RNF214: variants seen among roughly 807,000 people sequenced by gnomAD.
RNF214 encodes ring finger protein 214.
In RNF214, 25 loss-of-function variants were observed where a neutral mutation model predicts 75.9. The observed-to-expected ratio is 0.33, with a 90% CI of 0.24 to 0.46. The LOEUF is 0.46. Among genes scored for constraint, RNF214 ranks in the 20% least tolerant of loss-of-function variants. The probability of loss-of-function intolerance (pLI) is 1.00; values close to 1 mark genes in which losing one functional copy is unlikely to be tolerated. For missense variants in RNF214, 725 were observed against 857.5 expected (o/e 0.85, Z 1.93); for synonymous variants, 314 against 308.8 (o/e 1.02, Z -0.18).
intron 6 of RNF214, among the ~76,000 whole-genome samples, chr11:117,263,108 C>CT (rs1172182983): frequency 6.1e-4 from 89 of 145,504 alleles, no homozygotes; most frequent in Middle Eastern, 3.5e-3. Flanking sequence ...CGCCCAGCCA[C>CT]TTTTTTTTTT....
At chr11:117,261,586 A>C (rs1001806657) in intron 6 of RNF214, among the ~76,000 whole-genome samples, 1 of 152,074 alleles carries the variant, frequency 6.6e-6, no homozygotes, top group Non-Finnish European at 1.5e-5. Flanking sequence ...TCTCAAAAAA[A>C]TTATCAAATG....
intron 6 of RNF214, among the ~76,000 whole-genome samples, chr11:117,271,890 G>A (rs2033918550): frequency 6.6e-6 from 1 of 152,160 alleles, no homozygotes; most frequent in East Asian, 1.9e-4. Context: ...ATAGCTCACT[G>A]TAGCCTCTAC....
intron 6 of RNF214, among the ~76,000 whole-genome samples, chr11:117,269,889 A>G (rs761515225): frequency 3.3e-5 from 5 of 152,228 alleles, no homozygotes; most frequent in Non-Finnish European, 5.9e-5. Flanking sequence ...TCAAAAATCA[A>G]CTTACCCAAT....
At chr11:117,271,009 C>T (rs2033900529) in intron 6 of RNF214, among the ~76,000 whole-genome samples, 1 of 152,092 alleles carries the variant, frequency 6.6e-6, no homozygotes, top group Non-Finnish European at 1.5e-5. Context: ...AAGTGATTCT[C>T]CTGTCTCAGC....
chr11:117,277,756 G>A (rs2034042490), intron 6 of RNF214, among the ~76,000 whole-genome samples: 1 of 152,000 alleles, frequency 6.6e-6, no homozygotes, highest in African/African-American at 2.4e-5. Context: ...TGGATCACCT[G>A]AGGTTAGGAG....
chr11:117,239,501 T>C (rs1406163496), intron 3 of RNF214: 1 of 466,616 alleles, frequency 2.1e-6, no homozygotes, highest in Admixed American at 3.9e-5. Flanking sequence ...ACGGGTGTGC[T>C]TTGTTGTAGG....
chr11:117,272,624 T>A (rs889624553), intron 6 of RNF214, among the ~76,000 whole-genome samples: 262 of 151,652 alleles, frequency 1.7e-3, no homozygotes, highest in African/African-American at 5.9e-3. Context: ...TTTTTTTTTT[T>A]TAAAAAGAAA....
chr11:117,240,244 T>C (rs1191695400), intron 4 of RNF214, among the ~76,000 whole-genome samples: 15 of 151,370 alleles, frequency 9.9e-5, no homozygotes, highest in Admixed American at 9.2e-4. Context: ...TCCTAGCTAC[T>C]CAGGAGTCCT....
chr11:117,249,401 A>G (rs535990734), intron 6 of RNF214, among the ~76,000 whole-genome samples: 3 of 152,082 alleles, frequency 2.0e-5, no homozygotes, highest in Admixed American at 6.6e-5. Flanking sequence ...CTTTAAATGT[A>G]TATGTCACGG....
At position 117,282,208 on chromosome 11, in the gene RNF214, A is replaced by G. The variant is rs947020910; in HGVS notation, c.1650A>G (p.Gln550=). The G allele has an allele frequency of 2.5e-6, 4 of 1,611,990 alleles. No individual in the cohort carries two copies. The highest frequency in any genetic ancestry group is 2.5e-6 in the Non-Finnish European group (3 of 1,178,886). ...CTTCTGCTGAAACTCCCCGGCCCCA[A>G]CCAGTAGACAAACTGGAGAAGATCC... ...VKASAETPRP[Q]PVDKLEKILE... The change falls in exon 11 of 15, where the codon CAA becomes CAG. Residue 550 remains glutamine (Q), a synonymous_variant. Coordinates refer to ENST00000300650, the MANE Select transcript of RNF214 (RefSeq NM_207343.4).
intron 8 of RNF214, among the ~76,000 whole-genome samples, chr11:117,280,633 CTGCA>C (rs1206107510): frequency 6.6e-6 from 1 of 152,180 alleles, no homozygotes; most frequent in Non-Finnish European, 1.5e-5. Context: ...GATGGCATCA[CTGCA>C]CTCCAGCCTA....
rs2033518390 is a variant in RNF214, at chr11:117,256,210, C to T, written c.959+9262C>T. Among the ~76,000 whole-genome samples, 4 of 152,334 alleles carry T rather than the reference C, an allele frequency of 2.6e-5. No individual in the cohort carries two copies. In the South Asian group the frequency reaches 8.3e-4, roughly 32 times the overall value. On this transcript the variant is annotated intron_variant, in intron 6 of 14. Transcript: ENST00000300650. Reference sequence around the variant, plus strand: ...CCTAGCATGTTGTGTATACTGCTATCATAACACTTCTTCGTGGCCTTTTTT... The same window carrying T: ...CCTAGCATGTTGTGTATACTGCTATTATAACACTTCTTCGTGGCCTTTTTT...
intron 6 of RNF214, among the ~76,000 whole-genome samples, chr11:117,275,835 TG>T (rs1294346775): frequency 6.6e-6 from 1 of 152,218 alleles, no homozygotes; most frequent in Non-Finnish European, 1.5e-5. Flanking sequence ...CCAATCCTAC[TG>T]GAACTATTCC....
chr11:117,258,524 A>C (rs1311645218), intron 6 of RNF214, among the ~76,000 whole-genome samples: 1 of 152,122 alleles, frequency 6.6e-6, no homozygotes, highest in Non-Finnish European at 1.5e-5. Flanking sequence ...ATAATTAATT[A>C]GAGTTTAATA....
intron 14 of RNF214, among the ~76,000 whole-genome samples, chr11:117,283,950 C>A (rs1027149043): frequency 3.3e-5 from 5 of 152,172 alleles, no homozygotes; most frequent in African/African-American, 1.2e-4. Context: ...AGCCAGTGCA[C>A]CTGGTCTCTA....
At chr11:117,254,074 C>T (rs1346344054) in intron 6 of RNF214, among the ~76,000 whole-genome samples, 5 of 151,950 alleles carry the variant, frequency 3.3e-5, no homozygotes, top group Admixed American at 1.3e-4. Flanking sequence ...GCCAACATGG[C>T]GAAACCCCAT....
intron 6 of RNF214, among the ~76,000 whole-genome samples, chr11:117,259,496 A>T (rs2033606723): frequency 6.6e-6 from 1 of 152,218 alleles, no homozygotes; most frequent in African/African-American, 2.4e-5. Context: ...ATGGCCAGAT[A>T]TGCTTCCAAA....
rs916231155 is a variant in RNF214, at chr11:117,246,964, A to G, written c.959+16A>G. On this transcript the variant is annotated intron_variant, in intron 6 of 14. Transcript: ENST00000300650. ...AGGGCAGAAGGTAACTGATGTTAAG[A>G]ATAAAAACCCTGTGTGTATGTATAT... The G allele has an allele frequency of 6.3e-7, 1 of 1,594,136 alleles. No homozygotes were observed.
chr11:117,283,623 T>C (rs960413877), intron 14 of RNF214, among the ~76,000 whole-genome samples: 1 of 152,088 alleles, frequency 6.6e-6, no homozygotes, highest in Non-Finnish European at 1.5e-5. Flanking sequence ...CCTCCCAAAG[T>C]GTTGGGAGTA....
Sources: gnomAD v4.1 joint callset for allele counts (sites outside exome capture counted in the v4.1 genomes callset) on GRCh38, gnomAD v4.1.1 for gene constraint, MANE v1.5 for transcripts, NCBI Gene and HGNC (gene_info 2026-07-23, HGNC 2026-07-21) for gene names.